Variants in ARHGEF10 observed in about 807,000 individuals in gnomAD.
The protein encoded by ARHGEF10 is Rho guanine nucleotide exchange factor (GEF) 10.
A neutral mutation model predicts 147.4 loss-of-function variants in ARHGEF10; 140 were observed. That is an observed-to-expected ratio of 0.95 (90% CI 0.83 to 1.09). The LOEUF is 1.09. Ranked by LOEUF, ARHGEF10 falls within the 50% of genes least tolerant of loss-of-function variation. The probability of loss-of-function intolerance (pLI) is 0.00; values close to 1 mark genes in which losing one functional copy is unlikely to be tolerated. For synonymous variants in ARHGEF10, 902 were observed against 695.8 expected, an observed-to-expected ratio of 1.30 and a Z score of -4.67; for missense variants, 2,222 against 1,752.7, an observed-to-expected ratio of 1.27 and a Z score of -4.78.
chr8:1,844,250 CT>C (rs1804332537), intron 2 of ARHGEF10, among the ~76,000 whole-genome samples: 1 of 152,078 alleles, frequency 6.6e-6, no homozygotes, highest in Non-Finnish European at 1.5e-5. Context: ...TGCCCCCCAA[CT>C]ACGTGGACAC....
At chr8:1,885,152 T>C (rs962727451) in intron 10 of ARHGEF10, among the ~76,000 whole-genome samples, 2 of 152,216 alleles carry the variant, frequency 1.3e-5, no homozygotes, top group Admixed American at 1.3e-4. Context: ...AGAAATATAC[T>C]AAGTGCCACC....
chr8:1,823,363 G>C (rs1802511167), upstream of ARHGEF10, among the ~76,000 whole-genome samples: 2 of 152,068 alleles, frequency 1.3e-5, no homozygotes, highest in South Asian at 4.2e-4. Flanking sequence ...CGGAGGGACG[G>C]GGGCTCAAGG....
intron 7 of ARHGEF10, chr8:1,869,795 C>G (rs17829629): frequency 1.0e-5 from 2 of 197,444 alleles, no homozygotes; most frequent in Non-Finnish European, 1.1e-5. Context: ...GCTGCCTACA[C>G]AGGAACCGCT....
In ARHGEF10 at chr8:1,901,228, C is replaced by T. The variant is rs566265261; in HGVS notation, c.1651-2053C>T. Among the ~76,000 whole-genome samples the T allele has an allele frequency of 1.4e-4, 22 of 152,276 alleles. No individual in the cohort carries two copies. In the South Asian group the frequency reaches 3.3e-3, roughly 23 times the overall value. ...AAGCACATACCCTCCCTCCTGCCTT[C>T]TGCCGTAGTCCGTGTGCTGAGTGTA... is the stretch of plus-strand genomic sequence containing the variant. On this transcript the variant is annotated intron_variant, in intron 15 of 28. Transcript: ENST00000349830.
intron 17 of ARHGEF10, among the ~76,000 whole-genome samples, chr8:1,908,780 A>G (rs1226589240): frequency 1.5e-5 from 2 of 137,528 alleles, no homozygotes; most frequent in Non-Finnish European, 3.2e-5. Flanking sequence ...AATAATCTGT[A>G]TAAGTCATAG....
chr8:1,938,524 A>G (rs768178857), intron 26 of ARHGEF10, among the ~76,000 whole-genome samples: 3 of 152,248 alleles, frequency 2.0e-5, no homozygotes, highest in Non-Finnish European at 1.5e-5. Context: ...AAATAATAAA[A>G]TAGGCGAGAT....
intron 1 of ARHGEF10, among the ~76,000 whole-genome samples, chr8:1,826,445 C>T (rs951192203): frequency 6.6e-6 from 1 of 150,688 alleles, no homozygotes; most frequent in African/African-American, 2.4e-5. Flanking sequence ...TGTGTGTGTG[C>T]GCGTGTGTGA....
chr8:1,944,704 C>G (rs752061410), intron 26 of ARHGEF10, among the ~76,000 whole-genome samples: 1 of 152,222 alleles, frequency 6.6e-6, no homozygotes, highest in African/African-American at 2.4e-5. Flanking sequence ...AGCTGTGAGG[C>G]TGCTGGTTCC....
intron 17 of ARHGEF10, among the ~76,000 whole-genome samples, chr8:1,908,739 C>T (rs73542993): frequency 0.012 from 1,868 of 152,062 alleles, 45 homozygotes; most frequent in African/African-American, 0.041. Flanking sequence ...TGTTTCTTCA[C>T]GTATATGTTC....
chr8:1,854,891 T>C (rs1013120038), intron 2 of ARHGEF10, among the ~76,000 whole-genome samples: 1 of 152,042 alleles, frequency 6.6e-6, no homozygotes, highest in African/African-American at 2.4e-5. Context: ...GCGGTTCTTC[T>C]CAGGGTCATA....
intron 1 of ARHGEF10, among the ~76,000 whole-genome samples, chr8:1,834,786 C>T (rs749569897): frequency 6.6e-6 from 1 of 152,204 alleles, no homozygotes; most frequent in African/African-American, 2.4e-5. Flanking sequence ...TGAGTTGGAA[C>T]CTTATGAATG....
At chr8:1,866,736 T>A in intron 6 of ARHGEF10, 134 bp downstream of exon 6, 1 of 913,554 alleles carries the variant, frequency 1.1e-6, no homozygotes, top group Non-Finnish European at 1.7e-6. Context: ...CTGAAAATAG[T>A]AACATGGGCT....
intron 5 of ARHGEF10, among the ~76,000 whole-genome samples, chr8:1,865,555 G>T (rs561546018): frequency 2.3e-4 from 35 of 151,594 alleles, no homozygotes; most frequent in Admixed American, 1.9e-3. Flanking sequence ...CCGGCACCCA[G>T]GGGGCCGTCA....
chr8:1,925,461 G>A, intron 22 of ARHGEF10, 57 bp downstream of exon 22: 2 of 1,606,168 alleles, frequency 1.2e-6, no homozygotes, highest in South Asian at 1.1e-5. Flanking sequence ...GCTCTGAATG[G>A]GCCACTTGGG....
chr8:1,909,266 G>GT lies in ARHGEF10; in HGVS notation c.1968-28dup, dbSNP rs1563270030. 1.9e-6 allele frequency: 3 copies of GT among 1,614,116 alleles called. No individual in the cohort carries two copies. In the South Asian group the frequency reaches 3.3e-5, roughly 18 times the overall value. Reference sequence around the variant, plus strand: ...CCATAACGTGTTCATGTAATTATTCGTAAAACAAGGATCTTTTGGTCGTTT... The same window carrying GT: ...CCATAACGTGTTCATGTAATTATTCGTTAAAACAAGGATCTTTTGGTCGTTT... On this transcript the variant is annotated intron_variant, in intron 17 of 28. Coordinates refer to ENST00000349830, the MANE Select transcript of ARHGEF10 (RefSeq NM_014629.4).
At chr8:1,942,448 G>C (rs1814177519) in intron 26 of ARHGEF10, among the ~76,000 whole-genome samples, 1 of 151,894 alleles carries the variant, frequency 6.6e-6, no homozygotes, top group Non-Finnish European at 1.5e-5. Context: ...AATAATGTTA[G>C]TGGAGCCAGC....
At chr8:1,871,621 C>A (rs936153879) in intron 7 of ARHGEF10, among the ~76,000 whole-genome samples, 1 of 152,120 alleles carries the variant, frequency 6.6e-6, no homozygotes, top group African/African-American at 2.4e-5. Flanking sequence ...AGTTCAAGAC[C>A]AGCCTGGCCA....
intron 11 of ARHGEF10, 147 bp downstream of exon 11, chr8:1,885,854 C>T (rs1808614322): frequency 2.8e-6 from 2 of 721,004 alleles, no homozygotes; most frequent in Admixed American, 2.0e-5. Context: ...CCTGGCCCAG[C>T]ACTTAGAGGC....
chr8:1,903,188 C>G (rs942933125), intron 15 of ARHGEF10, 93 bp from the exon 16 acceptor site: 1 of 1,494,156 alleles, frequency 6.7e-7, no homozygotes, highest in African/African-American at 1.4e-5. Context: ...ATGCCACTGC[C>G]TCCTTTCCAT....
Sources: allele counts gnomAD v4.1 joint callset (sites outside exome capture counted in the v4.1 genomes callset), GRCh38; gene constraint gnomAD v4.1.1; transcripts MANE v1.5; gene names NCBI Gene and HGNC (gene_info 2026-07-23, HGNC 2026-07-21).